The following ZC3H6 variants were observed in gnomAD, a reference collection of about 807,000 sequenced individuals.
ZC3H6 encodes zinc finger CCCH-type containing 6, also known as zinc finger CCCH domain-containing protein 6.
Under a neutral mutation model 107.7 loss-of-function variants are expected in ZC3H6, and 40 were observed. That is an observed-to-expected ratio of 0.37 (90% CI 0.29 to 0.48). ZC3H6 has a LOEUF of 0.48. ZC3H6 is among the 20% of genes least tolerant of loss of function. The pLI, the probability that ZC3H6 is intolerant of heterozygous loss-of-function variation, is 0.98. For missense variants in ZC3H6, 1,267 were observed against 1,410.4 expected (o/e 0.90, Z 1.63); for synonymous variants, 493 against 487.9 (o/e 1.01, Z -0.14).
rs1242315357 is a variant in ZC3H6 at position 112,337,058 on chromosome 2, T to A, written c.*4570T>A. 1 of 152,142 alleles carries A rather than the reference T, an allele frequency of 6.6e-6. No individual in the cohort carries two copies. The highest frequency in any genetic ancestry group is 1.9e-4 in the East Asian group (1 of 5,182). The allele number at this position is 152,142 out of a possible 1,614,324, so 9.4% of individuals were successfully genotyped here. On this transcript the variant is annotated 3_prime_UTR_variant, in exon 12 of 12. Transcript: ENST00000409871. ...ACTGCATTAGGAAGAATGCACCTTA[T>A]GGGTTATATCTCTTTTGGTAGACAG...
intron 1 of ZC3H6, among the ~76,000 whole-genome samples, chr2:112,296,134 C>G (rs988033375): frequency 2.6e-5 from 4 of 151,992 alleles, no homozygotes; most frequent in African/African-American, 9.7e-5. Flanking sequence ...ATATAGTAAT[C>G]ACACAGATTA....
intron 2 of ZC3H6, among the ~76,000 whole-genome samples, chr2:112,300,835 A>G (rs1408957831): frequency 6.6e-6 from 1 of 152,194 alleles, no homozygotes; most frequent in Non-Finnish European, 1.5e-5. Context: ...AGGGGAACCT[A>G]TGCTGACTGA....
intron 4 of ZC3H6, among the ~76,000 whole-genome samples, chr2:112,310,422 T>C (rs1213185612): frequency 6.6e-6 from 1 of 152,222 alleles, no homozygotes; most frequent in Non-Finnish European, 1.5e-5. Context: ...CTTATATTTT[T>C]CCCCTTGCTT....
In ZC3H6 at chr2:112,324,348, C is replaced by G; in HGVS notation, c.1537C>G (p.Pro513Ala). The G allele has an allele frequency of 6.2e-7, 1 of 1,613,976 alleles. No individual in the cohort carries two copies. Among genetic ancestry groups the G allele is most frequent in the Non-Finnish European group, 8.5e-7 (1 of 1,179,856 alleles). Reference protein sequence around the residue: ...PCAGPPGLPVPQSPPLPPGPP... With the variant: ...PCAGPPGLPVAQSPPLPPGPP... ...TGCAGGACCTCCTGGTCTACCAGTG[C>G]CACAGAGCCCACCTTTACCACCTGG... Residue 513 changes from proline to alanine, a missense_variant, in exon 10 of 12, where the codon CCA becomes GCA. Around this residue, in one of 3 missense-constraint regions of ZC3H6, gnomAD observed 925 missense variants for 1,025.7 expected, o/e 0.90. Transcript: ENST00000409871.
At chr2:112,300,244 A>G (rs182814681) in intron 2 of ZC3H6, among the ~76,000 whole-genome samples, 27 of 151,762 alleles carry the variant, frequency 1.8e-4, no homozygotes, top group Admixed American at 3.9e-4. Flanking sequence ...GATAGGGTCT[A>G]TTGTCCAGGC....
intron 5 of ZC3H6, among the ~76,000 whole-genome samples, chr2:112,315,521 T>A (rs1350924958): frequency 2.0e-5 from 3 of 152,126 alleles, no homozygotes; most frequent in Non-Finnish European, 4.4e-5. Context: ...CTTTTTTCCT[T>A]TGCCTTTATT....
chr2:112,280,588 G>A (rs2104690806), intron 1 of ZC3H6, among the ~76,000 whole-genome samples: 1 of 152,044 alleles, frequency 6.6e-6, no homozygotes, highest in South Asian at 2.1e-4. Flanking sequence ...GAAACAGATT[G>A]GTAAATACAT....
chr2:112,299,987 A>G lies in ZC3H6; in HGVS notation c.171A>G (p.Arg57=). The change falls in exon 2 of 12, where the codon AGA becomes AGG. Residue 57 remains arginine, a synonymous_variant. Coordinates refer to ENST00000409871, the MANE Select transcript of ZC3H6 (RefSeq NM_198581.3). ...RKSRKKHKKE[R]EKKKSKRRKR... is the part of the protein sequence containing the mutation. ...CAAGAAAAAAACATAAGAAAGAGAG[A>G]GAGAAGAAAAAATCCAAAAGGAGAA... 1 of 1,488,924 alleles carries G rather than the reference A, an allele frequency of 6.7e-7. No homozygotes were observed. Among genetic ancestry groups the G allele is most frequent in the Non-Finnish European group, 8.9e-7 (1 of 1,122,654 alleles). The allele number at this position is 1,488,924 out of a possible 1,614,324, so 92.2% of individuals were successfully genotyped here. A position where few individuals can be genotyped will look rare whatever the true frequency, so the allele number is the denominator to read the frequency against.
intron 11 of ZC3H6, among the ~76,000 whole-genome samples, chr2:112,329,289 A>C (rs1388851074): frequency 6.6e-6 from 1 of 152,180 alleles, no homozygotes; most frequent in Non-Finnish European, 1.5e-5. Flanking sequence ...GATTTTAAGT[A>C]TGCTTTATAA....
At chr2:112,304,552 A>C (rs1676440714) in intron 3 of ZC3H6, among the ~76,000 whole-genome samples, 1 of 152,184 alleles carries the variant, frequency 6.6e-6, no homozygotes, top group Non-Finnish European at 1.5e-5. Context: ...CTCTGTGTCC[A>C]AAATTCCTCT....
intron 11 of ZC3H6, among the ~76,000 whole-genome samples, chr2:112,325,409 G>A (rs1309648526): frequency 3.3e-5 from 5 of 151,980 alleles, no homozygotes; most frequent in African/African-American, 9.7e-5. Context: ...CAGGAGAATC[G>A]CTTCAACTTG....
chr2:112,304,422 T>C (rs1676438403), intron 3 of ZC3H6, among the ~76,000 whole-genome samples: 1 of 152,168 alleles, frequency 6.6e-6, no homozygotes, highest in Non-Finnish European at 1.5e-5. Context: ...GTTGGTTTCT[T>C]TTGAGGGCTG....
At chr2:112,286,625 A>G (rs1389011241) in intron 1 of ZC3H6, among the ~76,000 whole-genome samples, 1 of 152,150 alleles carries the variant, frequency 6.6e-6, no homozygotes, top group Non-Finnish European at 1.5e-5. Context: ...TTTGGTAGAG[A>G]CGGGGTTTTG....
intron 11 of ZC3H6, among the ~76,000 whole-genome samples, chr2:112,328,141 G>A (rs929316719): frequency 5.3e-5 from 8 of 151,966 alleles, no homozygotes; most frequent in East Asian, 3.9e-4. Flanking sequence ...ATCTGCCTGC[G>A]TTGGCCTCCC....
chr2:112,281,313 A>G (rs1166334231), intron 1 of ZC3H6, among the ~76,000 whole-genome samples: 1 of 152,202 alleles, frequency 6.6e-6, no homozygotes, highest in Non-Finnish European at 1.5e-5. Context: ...AGCCTGGACC[A>G]GGAATGAGCC....
Position 112,332,026 on chromosome 2 carries a change from G to A in ZC3H6, c.3108G>A (p.Leu1036=), listed in dbSNP as rs1677044465. 6.2e-7 allele frequency: 1 copy of A among 1,613,880 alleles called. No homozygotes were observed. Among genetic ancestry groups the A allele is most frequent in the South Asian group, 1.1e-5 (1 of 91,080 alleles). The change falls in exon 12 of 12, where the codon CTG becomes CTA. Residue 1036 remains leucine, a synonymous_variant. Transcript: ENST00000409871. ...PKLSSSAGLP[L]GTSTSVLSGI... Reference sequence around the variant, plus strand: ...TCTCTTCCTCAGCTGGCCTTCCACTGGGAACTTCCACTTCAGTTCTTAGTG... The same window carrying A: ...TCTCTTCCTCAGCTGGCCTTCCACTAGGAACTTCCACTTCAGTTCTTAGTG...
chr2:112,285,960 C>CAAAAAA (rs370798965), intron 1 of ZC3H6: 1 of 161,934 alleles, frequency 6.2e-6, no homozygotes, highest in African/African-American at 2.6e-5. Context: ...GTCTCCGTCT[C>CAAAAAA]AAAAAAAAAA....
chr2:112,331,579 A>G lies in ZC3H6; in HGVS notation c.2661A>G (p.Val887=). 6.2e-7 allele frequency: 1 copy of G among 1,613,942 alleles called. No homozygotes were observed. The highest frequency in any genetic ancestry group is 8.5e-7 in the Non-Finnish European group (1 of 1,179,870). The change falls in exon 12 of 12, where the codon GTA becomes GTG. Residue 887 remains valine, a synonymous_variant. Coordinates refer to ENST00000409871, the MANE Select transcript of ZC3H6 (RefSeq NM_198581.3). ...GGGCTCCCGAAGACTTACTTCCAGT[A>G]CCTTTACCTAAACCTGATCCAGTGT... ...IVWAPEDLLP[V]PLPKPDPVSS...
chr2:112,324,599 GT>G lies in ZC3H6; in HGVS notation c.1792del (p.Tyr598ThrfsTer73). ...ATGAGTCCCTGCAAAACCCAGCTGAGTTTTACGATAATTACTATGCACAGCA... is the reference window on the plus strand; with the variant it reads ...ATGAGTCCCTGCAAAACCCAGCTGAGTTTACGATAATTACTATGCACAGCA... ...NYESLQNPAEFYDNYYAQHSI... is the reference protein window; with the variant it reads ...NYESLQNPAEXYDNYYAQHSI... On this transcript the variant is annotated frameshift_variant, in exon 10 of 12. Coordinates refer to ENST00000409871, the MANE Select transcript of ZC3H6 (RefSeq NM_198581.3). LOFTEE classifies it high-confidence loss of function. 1 of 1,611,524 alleles carries G rather than the reference GT, an allele frequency of 6.2e-7. No homozygotes were observed.
Sources: gnomAD v4.1 joint callset for allele counts (sites outside exome capture counted in the v4.1 genomes callset) on GRCh38, gnomAD v4.1.1 for gene constraint, gnomAD v4.1.1 regional missense constraint, MANE v1.5 for transcripts, NCBI Gene and HGNC (gene_info 2026-07-23, HGNC 2026-07-21) for gene names.